Variants in ME3 observed in about 807,000 individuals in gnomAD.
ME3 encodes malic enzyme 3, also known as NADP-dependent malic enzyme, mitochondrial.
Under a neutral mutation model 68.9 loss-of-function variants are expected in ME3, and 48 were observed. The ratio of observed to expected loss-of-function variants is 0.70; its 90% CI spans 0.55 to 0.89. ME3 has a LOEUF of 0.89. Ranked by LOEUF, ME3 falls within the 40% of genes least tolerant of loss-of-function variation. The pLI is 0.00. For missense variants in ME3, 675 were observed against 797.4 expected, an observed-to-expected ratio of 0.85 and a Z score of 1.85; for synonymous variants, 320 against 318.8, an observed-to-expected ratio of 1.00 and a Z score of -0.04.
chr11:86,641,311 G>T (rs533735603), intron 2 of ME3, among the ~76,000 whole-genome samples: 1 of 152,148 alleles, frequency 6.6e-6, no homozygotes, highest in South Asian at 2.1e-4. Context: ...CCACAGAAAA[G>T]GTTATTTGAC....
intron 6 of ME3, among the ~76,000 whole-genome samples, chr11:86,489,902 C>T (rs1170346673): frequency 6.6e-6 from 1 of 152,072 alleles, no homozygotes. Flanking sequence ...CTCATCGTTT[C>T]CCCCATTTTT....
At chr11:86,649,288 A>G (rs1945240254) in intron 2 of ME3, among the ~76,000 whole-genome samples, 1 of 152,194 alleles carries the variant, frequency 6.6e-6, no homozygotes, top group African/African-American at 2.4e-5. Context: ...AACACTCCAT[A>G]AACTAGGTAT....
At chr11:86,520,741 T>C (rs1954212923) in intron 4 of ME3, among the ~76,000 whole-genome samples, 1 of 152,198 alleles carries the variant, frequency 6.6e-6, no homozygotes, top group African/African-American at 2.4e-5. Context: ...CCTGCAAACA[T>C]AGTGTTTACT....
intron 2 of ME3, among the ~76,000 whole-genome samples, chr11:86,671,080 C>T (rs1429177071): frequency 1.3e-5 from 2 of 152,170 alleles, no homozygotes; most frequent in Non-Finnish European, 2.9e-5. Flanking sequence ...GGGTTGAACT[C>T]GACCAAAGCA....
At chr11:86,605,920 C>T (rs563342277) in intron 2 of ME3, among the ~76,000 whole-genome samples, 18 of 152,212 alleles carry the variant, frequency 1.2e-4, no homozygotes, top group African/African-American at 4.3e-4. Context: ...TTGCCTACCC[C>T]CAACCTCACC....
At chr11:86,516,497 C>T (rs566965531) in intron 4 of ME3, among the ~76,000 whole-genome samples, 1 of 152,266 alleles carries the variant, frequency 6.6e-6, no homozygotes, top group Non-Finnish European at 1.5e-5. Context: ...AAGTGATTCT[C>T]CTGCCTCAGC....
At chr11:86,568,887 A>C (rs1487023188) in intron 2 of ME3, among the ~76,000 whole-genome samples, 1 of 152,228 alleles carries the variant, frequency 6.6e-6, no homozygotes, top group Non-Finnish European at 1.5e-5. Context: ...TGAACAGAAC[A>C]GGTCCTGGTC....
Position 86,516,972 on chromosome 11 carries a change from T to C in ME3, c.468-8105A>G, listed in dbSNP as rs530923599. 5.3e-5 allele frequency among the ~76,000 whole-genome samples: 8 copies of C among 152,316 alleles called. No homozygotes were observed. In the South Asian group the frequency reaches 1.7e-3, roughly 32 times the overall value. ...GCAGAGAGGGAAGGGAATGGTCATT[T>C]AACAAAAATTGCACGGAGTACCTGA... is the stretch of plus-strand genomic sequence containing the variant. On this transcript the variant is annotated intron_variant, in intron 4 of 14. Coordinates refer to ENST00000543262, the Ensembl canonical transcript of ME3.
rs527700557 is a variant in ME3, at chr11:86,492,267, A to G, written c.706-4827T>C. 4.6e-5 allele frequency among the ~76,000 whole-genome samples: 7 copies of G among 152,372 alleles called. No individual in the cohort carries two copies. In the East Asian group the frequency reaches 9.6e-4, roughly 21 times the overall value. ...AGCTAATTGTACAGTGATGGCACAC[A>G]TAAGCCCTTGAGAAGCATTTAGTGA... On this transcript the variant is annotated intron_variant, in intron 6 of 14. Transcript: ENST00000543262.
At chr11:86,634,826 A>G (rs1359053674) in intron 2 of ME3, among the ~76,000 whole-genome samples, 1 of 152,214 alleles carries the variant, frequency 6.6e-6, no homozygotes, top group Admixed American at 6.5e-5. Context: ...CTGTTAGGAC[A>G]AACTGAAACT....
chr11:86,633,763 G>C (rs909502624), intron 2 of ME3, among the ~76,000 whole-genome samples: 1 of 152,186 alleles, frequency 6.6e-6, no homozygotes, highest in African/African-American at 2.4e-5. Context: ...ATGCAATCAT[G>C]AAGGACTTCA....
chr11:86,645,799 A>G (rs597823), intron 2 of ME3, among the ~76,000 whole-genome samples: 21,169 of 152,106 alleles, frequency 0.14, 1,557 homozygotes, highest in East Asian at 0.22. Flanking sequence ...CATACAGGAG[A>G]GCCCCAGCTG....
chr11:86,523,889 T>G (rs983556036), intron 4 of ME3, among the ~76,000 whole-genome samples: 28 of 152,166 alleles, frequency 1.8e-4, no homozygotes, highest in Non-Finnish European at 3.5e-4. Context: ...AAATTCTAAT[T>G]CCACAAGTCA....
At position 86,540,542 on chromosome 11, in the gene ME3, T is replaced by A. The variant is rs17211053; in HGVS notation, c.467+16011A>T. 5.5e-4 allele frequency among the ~76,000 whole-genome samples: 83 copies of A among 152,280 alleles called. 1 individual carries two copies. The East Asian group carries it at 0.014, about 26-fold the overall frequency. ...TCCCTCTATGAAACAAAACCAGTCA[T>A]TCCTAAATCCAAATCCCTATGGGCT... is the stretch of plus-strand genomic sequence containing the variant. On this transcript the variant is annotated intron_variant, in intron 4 of 14. Coordinates refer to ENST00000543262, the Ensembl canonical transcript of ME3.
intron 2 of ME3, among the ~76,000 whole-genome samples, chr11:86,591,823 T>C (rs1490159178): frequency 1.3e-5 from 2 of 152,036 alleles, no homozygotes; most frequent in Non-Finnish European, 2.9e-5. Context: ...GAGAACAGCA[T>C]GGGAAAGACC....
intron 2 of ME3, among the ~76,000 whole-genome samples, chr11:86,562,953 A>G (rs1403318562): frequency 6.6e-6 from 1 of 152,050 alleles, no homozygotes; most frequent in Admixed American, 6.6e-5. Context: ...TTAATTCACT[A>G]AGGATTATCC....
chr11:86,517,376 G>C (rs1039507417), intron 4 of ME3, among the ~76,000 whole-genome samples: 34 of 152,152 alleles, frequency 2.2e-4, no homozygotes, highest in African/African-American at 7.5e-4. Flanking sequence ...CTAGATGTGG[G>C]GGTCAGAGAC....
chr11:86,613,539 GCAGATGA>G (rs1346079011), intron 2 of ME3, among the ~76,000 whole-genome samples: 10 of 152,150 alleles, frequency 6.6e-5, no homozygotes. Flanking sequence ...GTCTCTATCT[GCAGATGA>G]CATGATTTTA....
At chr11:86,653,448 A>G (rs916915879) in intron 2 of ME3, among the ~76,000 whole-genome samples, 2 of 152,230 alleles carry the variant, frequency 1.3e-5, no homozygotes, top group Non-Finnish European at 2.9e-5. Context: ...AACTCTCTCA[A>G]AACTGCTCAA....
Sources: gnomAD v4.1 joint callset for allele counts (sites outside exome capture counted in the v4.1 genomes callset) on GRCh38, gnomAD v4.1.1 for gene constraint, MANE v1.5 for transcripts, NCBI Gene and HGNC (gene_info 2026-07-23, HGNC 2026-07-21) for gene names.